RBL2: variants seen among roughly 807,000 people sequenced by gnomAD.
RBL2 encodes RB transcriptional corepressor like 2, also known as retinoblastoma-like protein 2.
Under a neutral mutation model 126.0 loss-of-function variants are expected in RBL2, and 56 were observed. That is an observed-to-expected ratio of 0.44 (90% CI 0.36 to 0.56). The LOEUF is 0.56. Ranked by LOEUF, RBL2 falls within the 20% of genes least tolerant of loss-of-function variation. The probability of loss-of-function intolerance (pLI) is 0.00; values close to 1 mark genes in which losing one functional copy is unlikely to be tolerated. For missense variants in RBL2, 1,229 were observed against 1,398.2 expected (o/e 0.88, Z 1.93); for synonymous variants, 454 against 478.5 (o/e 0.95, Z 0.67).
At chr16:53,483,895 T>C (rs1961053002) in intron 21 of RBL2, among the ~76,000 whole-genome samples, 1 of 121,022 alleles carries the variant, frequency 8.3e-6, no homozygotes, top group Admixed American at 8.7e-5. Context: ...AAACAGAAAA[T>C]GTAATAATGG....
chr16:53,465,381 TAAATATTTAA>T, intron 12 of RBL2, 47 bp from the exon 13 acceptor site: 2 of 1,183,548 alleles, frequency 1.7e-6, no homozygotes, highest in Non-Finnish European at 2.2e-6. Context: ...ATTTCTTGTC[TAAATATTTAA>T]AAATATTTAA....
intron 4 of RBL2, among the ~76,000 whole-genome samples, chr16:53,450,329 C>A (rs2058103393): frequency 1.3e-5 from 2 of 152,022 alleles, no homozygotes; most frequent in Non-Finnish European, 2.9e-5. Context: ...AAAGGGAAAC[C>A]TGAAACAAAG....
At chr16:53,456,131 G>C (rs935815460) in intron 8 of RBL2, among the ~76,000 whole-genome samples, 2 of 151,958 alleles carry the variant, frequency 1.3e-5, no homozygotes, top group Non-Finnish European at 2.9e-5. Flanking sequence ...AGCCGTGATC[G>C]CGTCACTGCC....
In RBL2 at chr16:53,481,742, A is replaced by G. The variant is rs1373439361; in HGVS notation, c.3156A>G (p.Gln1052=). The change falls in exon 21 of 22, where the codon CAA becomes CAG. Residue 1052 remains glutamine (Q), a synonymous_variant. Coordinates refer to ENST00000262133, the MANE Select transcript of RBL2 (RefSeq NM_005611.4). ...CCCCTCGCCGAATACAGTTGTCTCA[A>G]AATCATCCTGTCTACATTTCCCCAC... ...TGSPRRIQLS[Q]NHPVYISPHK... The G allele has an allele frequency of 1.6e-5, 26 of 1,603,610 alleles. No individual in the cohort carries two copies. Among genetic ancestry groups the G allele is most frequent in the Non-Finnish European group, 1.9e-5 (22 of 1,170,552 alleles).
At chr16:53,472,913 T>G (rs902898372) in intron 17 of RBL2, among the ~76,000 whole-genome samples, 12 of 152,202 alleles carry the variant, frequency 7.9e-5, no homozygotes, top group Admixed American at 6.5e-5. Flanking sequence ...ATTCTGATTA[T>G]GTGGTTGTGC....
intron 3 of RBL2, 63 bp downstream of exon 3, chr16:53,442,921 G>T: frequency 3.3e-6 from 4 of 1,216,718 alleles, no homozygotes; most frequent in South Asian, 3.7e-5. Context: ...TTGATATTCT[G>T]CTAGGTTTTT....
chr16:53,472,819 A>C (rs746621136), intron 17 of RBL2, among the ~76,000 whole-genome samples: 4 of 151,982 alleles, frequency 2.6e-5, no homozygotes, highest in East Asian at 3.9e-4. Context: ...AGGTCTTTTG[A>C]TTTTTATAGT....
In RBL2 at chr16:53,451,761, T is replaced by G. The variant is rs1265365462; in HGVS notation, c.696T>G (p.Ala232=). 6.2e-7 allele frequency: 1 copy of G among 1,613,538 alleles called. No homozygotes were observed. The change falls in exon 5 of 22, where the codon GCT becomes GCG. Residue 232 remains alanine, a synonymous_variant. Coordinates refer to ENST00000262133, the MANE Select transcript of RBL2 (RefSeq NM_005611.4). ...LVNSYHLLLC[A]LDLVYGNALQ... is the part of the protein sequence containing the mutation. ...ATTCTTATCACCTGCTGCTGTGTGC[T>G]TTGGACTTAGTTTATGGAAATGCAC...
At chr16:53,485,633 C>T (rs1961136010) in intron 21 of RBL2, among the ~76,000 whole-genome samples, 1 of 150,552 alleles carries the variant, frequency 6.6e-6, no homozygotes, top group Non-Finnish European at 1.5e-5. Flanking sequence ...GGTGGGTGGA[C>T]TGCCTGAGCT....
Position 53,481,810 on chromosome 16 carries a change from A to G in RBL2, c.3224A>G (p.Tyr1075Cys), listed in dbSNP as rs1960962818. 27 of 1,589,152 alleles carry G rather than the reference A, an allele frequency of 1.7e-5. No homozygotes were observed. Among genetic ancestry groups the G allele is most frequent in the Non-Finnish European group, 2.2e-5 (25 of 1,157,492 alleles). Residue 1075 changes from tyrosine to cysteine, a missense_variant, in exon 21 of 22, where the codon TAT (tyrosine) becomes TGT (cysteine). This residue lies in a region of RBL2 where 1,070 missense variants were observed against 1,274.3 expected (regional missense o/e 0.84). Transcript: ENST00000262133. ...CTTTCTCCTCGAGAAAAGATTTTCT[A>G]TTACTTCAGCAACAGTCCTTCAAAG... is the stretch of plus-strand genomic sequence containing the variant. ...TMLSPREKIF[Y>C]YFSNSPSKRL... is the part of the protein sequence containing the mutation.
In RBL2 at chr16:53,434,539, G is replaced by T. The variant is rs961389368; in HGVS notation, c.-18G>T. ...GGGCCCTCACCTCACCTGAGGTCCGGCCGCCCAGGGGTGCGCTATGCCGTC... is the reference window on the plus strand; with the variant it reads ...GGGCCCTCACCTCACCTGAGGTCCGTCCGCCCAGGGGTGCGCTATGCCGTC... On this transcript the variant is annotated 5_prime_UTR_variant, in exon 1 of 22. Transcript: ENST00000262133. 4 of 1,434,086 alleles carry T rather than the reference G, an allele frequency of 2.8e-6. No homozygotes were observed. The highest frequency in any genetic ancestry group is 2.7e-6 in the Non-Finnish European group (3 of 1,099,958). The allele number at this position is 1,434,086 out of a possible 1,614,324, so 88.8% of individuals were successfully genotyped here. A position where few individuals can be genotyped will look rare whatever the true frequency, so the allele number is the denominator to read the frequency against.
rs755432598 is a variant in RBL2, at chr16:53,464,246, G to A, written c.1581G>A (p.Ala527=). 65 of 1,584,626 alleles carry A rather than the reference G, an allele frequency of 4.1e-5. No individual in the cohort carries two copies. Among genetic ancestry groups the A allele is most frequent in the Non-Finnish European group, 4.7e-5 (55 of 1,165,680 alleles). ...TATAGGGTATTCTGGAACAAGATGC[G>A]TTCCACAGATCTCTCTTGGCCTGCT... ...MDLSGILEQD[A]FHRSLLACCL... The change falls in exon 12 of 22, where the codon GCG becomes GCA. Residue 527 remains alanine (A), a synonymous_variant. Coordinates refer to ENST00000262133, the MANE Select transcript of RBL2 (RefSeq NM_005611.4).
At position 53,464,318 on chromosome 16, in the gene RBL2, A is replaced by G; in HGVS notation, c.1653A>G (p.Pro551=). 1 of 1,586,588 alleles carries G rather than the reference A, an allele frequency of 6.3e-7. No individual in the cohort carries two copies. Among genetic ancestry groups the G allele is most frequent in the Non-Finnish European group, 8.7e-7 (1 of 1,155,658 alleles). ...TFSYKPPGNF[P]FITEIFDVPL... ...CTTATAAGCCTCCTGGGAATTTTCC[A>G]TTTATTACTGAAATATTTGATGTGC... The change falls in exon 12 of 22, where the codon CCA becomes CCG. Residue 551 remains proline (P), a synonymous_variant. Transcript: ENST00000262133.
chr16:53,441,491 A>G (rs2058015590), intron 2 of RBL2, among the ~76,000 whole-genome samples: 1 of 152,208 alleles, frequency 6.6e-6, no homozygotes, highest in African/African-American at 2.4e-5. Context: ...TTGGGGAGTG[A>G]ATGCAAAAAG....
chr16:53,480,553 T>C lies in RBL2; in HGVS notation c.2882-14T>C, dbSNP rs766615287. The stretch of plus-strand genomic sequence containing the variant: ...CAGCCTTTGTACTGACAGCCTTTGT[T>C]CTCCTGGCTGCAGCCAGTAGAGACT... On this transcript the variant is annotated splice_polypyrimidine_tract_variant and intron_variant, in intron 19 of 21. Coordinates refer to ENST00000262133, the MANE Select transcript of RBL2 (RefSeq NM_005611.4). 6.2e-7 allele frequency: 1 copy of C among 1,605,770 alleles called. No individual in the cohort carries two copies. The highest frequency in any genetic ancestry group is 1.7e-5 in the Admixed American group (1 of 58,154).
chr16:53,457,258 C>CTTTTTTTTTTTTTTTTTTTTTTTT (rs756763534), intron 8 of RBL2, among the ~76,000 whole-genome samples: 59 of 89,930 alleles, frequency 6.6e-4, no homozygotes, highest in Non-Finnish European at 7.3e-4. Context: ...GTACAGATAG[C>CTTTTTTTTTTTTTTTTTTTTTTTT]TTTTTTTTTT....
At chr16:53,438,057 A>G (rs780868055) in intron 1 of RBL2, among the ~76,000 whole-genome samples, 3 of 152,090 alleles carry the variant, frequency 2.0e-5, no homozygotes, top group Non-Finnish European at 1.5e-5. Flanking sequence ...AAAAATAAAC[A>G]ATAATATTGT....
At chr16:53,480,888 G>T in intron 20 of RBL2, 119 bp downstream of exon 20, 1 of 970,258 alleles carries the variant, frequency 1.0e-6, no homozygotes. Flanking sequence ...GCCAGGTGTG[G>T]TGGCTCACAC....
rs754940058 is a variant in RBL2 at position 53,442,637 on chromosome 16, CTTGT to C, written c.372-16_372-13del. 81 of 1,559,744 alleles carry C rather than the reference CTTGT, an allele frequency of 5.2e-5. No individual in the cohort carries two copies. The highest frequency in any genetic ancestry group is 1.8e-6 in the Non-Finnish European group (2 of 1,137,480). The stretch of plus-strand genomic sequence containing the variant: ...TAGCCTTATGTTAATTATGAAATAT[CTTGT>C]TTGTCTTTAATACCAGCTTAATCGA... On this transcript the variant is annotated splice_polypyrimidine_tract_variant and intron_variant, in intron 2 of 21. Transcript: ENST00000262133.
Sources: allele counts gnomAD v4.1 joint callset (sites outside exome capture counted in the v4.1 genomes callset), GRCh38; gene constraint gnomAD v4.1.1; regional missense constraint gnomAD v4.1.1; transcripts MANE v1.5; gene names NCBI Gene and HGNC (gene_info 2026-07-23, HGNC 2026-07-21).